Variants in KLF12 observed in about 807,000 individuals in gnomAD.
KLF12 encodes the protein Krueppel-like factor 12.
KLF12 carries 9 observed loss-of-function variants against 37.8 expected under a neutral mutation model. The observed-to-expected ratio is 0.24, with a 90% CI of 0.14 to 0.42. The LOEUF is 0.42. Among genes scored for constraint, KLF12 ranks in the 10% least tolerant of loss-of-function variants. KLF12 has a pLI of 1.00. For synonymous variants in KLF12, 208 were observed against 202.1 expected (o/e 1.03, Z -0.25); for missense variants, 411 against 516.0 (o/e 0.80, Z 1.97).
chr13:74,118,460 GTGCTTTATTAGTTATGTTGTAAAGGAAA>G (rs1265454565), intron 1 of KLF12, among the ~76,000 whole-genome samples: 1 of 152,144 alleles, frequency 6.6e-6, no homozygotes, highest in East Asian at 1.9e-4. Flanking sequence ...AACTTTTTAA[GTGCTTTATTAGTTATGTTGTAAAGGAAA>G]TCTGGTTTCC....
the KLF12 span, among the ~76,000 whole-genome samples, chr13:74,201,840 G>A: frequency 4.6e-5 from 7 of 152,108 alleles, no homozygotes; most frequent in Non-Finnish European, 7.4e-5. Flanking sequence ...TCAGCAGTGG[G>A]AACTATTAGT....
chr13:74,249,434 C>T, the KLF12 span, among the ~76,000 whole-genome samples: 1 of 151,360 alleles, frequency 6.6e-6, no homozygotes, highest in Non-Finnish European at 1.5e-5. Context: ...CAGAGCTGGG[C>T]CCCGGTGCCT....
At chr13:73,925,837 G>A (rs755785056) in intron 3 of KLF12, among the ~76,000 whole-genome samples, 4 of 152,170 alleles carry the variant, frequency 2.6e-5, no homozygotes, top group Admixed American at 6.5e-5. Context: ...TCACCCACAT[G>A]GATGACTTGG....
At chr13:73,849,402 C>CAAAAAAAAAAAAAA (rs1885205941) in intron 3 of KLF12, among the ~76,000 whole-genome samples, 2 of 128,736 alleles carry the variant, frequency 1.6e-5, no homozygotes, top group African/African-American at 6.5e-5. Context: ...AAAAAAAAAG[C>CAAAAAAAAAAAAAA]ATTGGTTCTG....
chr13:73,949,848 TC>T (rs1175559874), intron 2 of KLF12, among the ~76,000 whole-genome samples: 6 of 152,224 alleles, frequency 3.9e-5, no homozygotes, highest in Admixed American at 2.6e-4. Flanking sequence ...CATCTTACAT[TC>T]TTTTGCATCT....
chr13:73,901,287 T>C (rs976096071), intron 3 of KLF12, among the ~76,000 whole-genome samples: 2 of 151,212 alleles, frequency 1.3e-5, no homozygotes, highest in Non-Finnish European at 2.9e-5. Context: ...AGCCAAGTAG[T>C]CCACCCACAT....
chr13:74,162,209 A>T, the KLF12 span, among the ~76,000 whole-genome samples: 4 of 152,188 alleles, frequency 2.6e-5, no homozygotes, highest in Non-Finnish European at 4.4e-5. Context: ...GACGTGAATG[A>T]TGGGTTCAAG....
intron 1 of KLF12, among the ~76,000 whole-genome samples, chr13:74,129,269 G>A (rs1326742163): frequency 6.6e-6 from 1 of 151,996 alleles, no homozygotes; most frequent in East Asian, 1.9e-4. Context: ...CATTTTTATT[G>A]TTGTATTTTT....
intron 1 of KLF12, among the ~76,000 whole-genome samples, chr13:74,022,198 C>T (rs1892858645): frequency 6.6e-6 from 1 of 152,078 alleles, no homozygotes. Flanking sequence ...AATAACACCA[C>T]AGGCACAACC....
At chr13:74,032,163 A>G (rs896201375) in intron 1 of KLF12, among the ~76,000 whole-genome samples, 21 of 152,308 alleles carry the variant, frequency 1.4e-4, no homozygotes, top group African/African-American at 5.1e-4. Flanking sequence ...AAGTGAAAAT[A>G]AAACCTACGA....
chr13:73,732,648 A>G (rs183639246), intron 6 of KLF12, among the ~76,000 whole-genome samples: 14 of 152,270 alleles, frequency 9.2e-5, no homozygotes, highest in African/African-American at 2.4e-4. Context: ...TCAGTCCTCC[A>G]GCCGTTTCTC....
the KLF12 span, among the ~76,000 whole-genome samples, chr13:74,203,609 T>A: frequency 3.1e-3 from 475 of 152,226 alleles, 1 homozygote; most frequent in African/African-American, 0.011. Flanking sequence ...CACATTATGA[T>A]GCTATGCAAT....
intron 2 of KLF12, among the ~76,000 whole-genome samples, chr13:73,964,606 TAAAAA>T (rs71115627): frequency 6.6e-4 from 90 of 137,400 alleles, no homozygotes; most frequent in African/African-American, 2.5e-3. Context: ...CGTCTCTACT[TAAAAA>T]AAAAAAAAAA....
chr13:73,771,657 T>C (rs898818276), intron 5 of KLF12, among the ~76,000 whole-genome samples: 1 of 152,256 alleles, frequency 6.6e-6, no homozygotes, highest in Non-Finnish European at 1.5e-5. Flanking sequence ...AGGTCTTGCA[T>C]TGTAAGCAAA....
At chr13:74,291,006 T>A in the KLF12 span, among the ~76,000 whole-genome samples, 1 of 152,222 alleles carries the variant, frequency 6.6e-6, no homozygotes, top group African/African-American at 2.4e-5. Context: ...ACAAACTTAT[T>A]CCACTTATTC....
chr13:74,252,518 C>A, the KLF12 span, among the ~76,000 whole-genome samples: 3 of 152,168 alleles, frequency 2.0e-5, no homozygotes, highest in Non-Finnish European at 2.9e-5. Context: ...CACCCAGATT[C>A]CATGTTCCTC....
the KLF12 span, among the ~76,000 whole-genome samples, chr13:74,175,628 G>C: frequency 6.6e-6 from 1 of 152,174 alleles, no homozygotes; most frequent in African/African-American, 2.4e-5. Flanking sequence ...ATCATTAAGA[G>C]TTTTCCACTG....
intron 3 of KLF12, among the ~76,000 whole-genome samples, chr13:73,862,114 C>G (rs557589499): frequency 1.4e-5 from 2 of 144,720 alleles, no homozygotes; most frequent in South Asian, 4.4e-4. Flanking sequence ...AACCTTAACA[C>G]ATAAATGCAG....
At chr13:73,813,958 T>C (rs1883078792) in intron 4 of KLF12, among the ~76,000 whole-genome samples, 2 of 152,176 alleles carry the variant, frequency 1.3e-5, no homozygotes, top group Non-Finnish European at 2.9e-5. Context: ...AATCGTGAAT[T>C]TGCCAAAGCA....
Sources: allele counts gnomAD v4.1 joint callset (sites outside exome capture counted in the v4.1 genomes callset), GRCh38; gene constraint gnomAD v4.1.1; transcripts MANE v1.5; gene names NCBI Gene and HGNC (gene_info 2026-07-23, HGNC 2026-07-21).